Variants in SLIT3 observed in about 807,000 individuals in gnomAD.
SLIT3 encodes slit guidance ligand 3.
Under a neutral mutation model 184.0 loss-of-function variants are expected in SLIT3, and 68 were observed. That is an observed-to-expected ratio of 0.37 (90% CI 0.30 to 0.45). SLIT3 has a LOEUF of 0.45. Among genes scored for constraint, SLIT3 ranks in the 20% least tolerant of loss-of-function variants. The probability of loss-of-function intolerance (pLI) is 1.00; values close to 1 mark genes in which losing one functional copy is unlikely to be tolerated. For missense variants in SLIT3, 1,707 were observed against 2,026.0 expected (o/e 0.84, Z 3.02); for synonymous variants, 831 against 828.6 (o/e 1.00, Z -0.05).
intron 16 of SLIT3, among the ~76,000 whole-genome samples, 189 bp downstream of exon 16, chr5:168,760,673 T>A (rs952394289): frequency 2.5e-4 from 38 of 152,064 alleles, no homozygotes; most frequent in African/African-American, 9.2e-4. Context: ...ACTGAAACCA[T>A]GAAGCATCAC....
At chr5:169,075,086 A>G (rs1193328063) in intron 4 of SLIT3, among the ~76,000 whole-genome samples, 1 of 152,178 alleles carries the variant, frequency 6.6e-6, no homozygotes, top group Non-Finnish European at 1.5e-5. Flanking sequence ...AGTCAGATAT[A>G]AACATAATAC....
chr5:168,683,993 A>G lies in SLIT3; in HGVS notation c.3659T>C (p.Leu1220Pro), dbSNP rs750099123. 5 of 1,595,166 alleles carry G rather than the reference A, an allele frequency of 3.1e-6. No homozygotes were observed. Among genetic ancestry groups the G allele is most frequent in the Non-Finnish European group, 4.3e-6 (5 of 1,169,704 alleles). Residue 1220 changes from leucine to proline, a missense_variant, in exon 32 of 36, where the codon CTG becomes CCG. Physicochemically the swap from Leu to Pro is moderately conservative, Grantham distance 98. Around this residue, in one of 3 missense-constraint regions of SLIT3, gnomAD observed 387 missense variants for 477.9 expected, o/e 0.81. Coordinates refer to ENST00000519560, the MANE Select transcript of SLIT3 (RefSeq NM_003062.4). ...GTACACTGTGGTTGGAGGGGAACTC[A>G]GGCTGTCATAGACCAGCCGCACGTG... Reference protein sequence around the residue: ...QGHVRLVYDSLSSPPTTVYSV... With the variant: ...QGHVRLVYDSPSSPPTTVYSV...
chr5:169,129,733 A>G (rs1234468098), intron 4 of SLIT3, among the ~76,000 whole-genome samples: 2 of 152,192 alleles, frequency 1.3e-5, no homozygotes, highest in Non-Finnish European at 2.9e-5. Context: ...TGGAAAAGAG[A>G]AGAGGATATT....
intron 5 of SLIT3, 149 bp from the exon 6 acceptor site, chr5:168,844,804 C>T (rs900910140): frequency 2.7e-5 from 17 of 640,968 alleles, no homozygotes; most frequent in South Asian, 7.2e-5. Flanking sequence ...CTGTCTGCCA[C>T]GCTGCTCCGT....
At chr5:168,840,666 G>A (rs905646560) in intron 6 of SLIT3, among the ~76,000 whole-genome samples, 6 of 152,106 alleles carry the variant, frequency 3.9e-5, no homozygotes, top group Non-Finnish European at 8.8e-5. Flanking sequence ...TGTTGTATGC[G>A]AATTACCAAA....
chr5:168,822,805 A>C (rs1319716556), intron 7 of SLIT3, among the ~76,000 whole-genome samples: 1 of 152,176 alleles, frequency 6.6e-6, no homozygotes, highest in East Asian at 1.9e-4. Context: ...GGAGAGAAGG[A>C]GTGACTCTCC....
chr5:168,997,379 T>C (rs983949756), intron 4 of SLIT3, among the ~76,000 whole-genome samples: 2 of 152,132 alleles, frequency 1.3e-5, no homozygotes, highest in Non-Finnish European at 2.9e-5. Flanking sequence ...CTGTACCCCC[T>C]GGAAAGAGGA....
rs1451125335 is a variant in SLIT3, at chr5:168,663,776, C to T, written c.*2678G>A. The T allele has an allele frequency of 1.4e-4, 21 of 152,278 alleles. No individual in the cohort carries two copies. The highest frequency in any genetic ancestry group is 1.4e-3 in the Admixed American group (21 of 15,284). The allele number at this position is 152,278 out of a possible 1,614,324, so 9.4% of individuals were successfully genotyped here. On this transcript the variant is annotated 3_prime_UTR_variant, in exon 36 of 36. Transcript: ENST00000519560. The stretch of plus-strand genomic sequence containing the variant: ...AGTTCAATTCCCTTTCTCACTCTGG[C>T]AAACTCCTATTCATCCTTAAAGACC...
chr5:169,254,551 C>T (rs1015736070), intron 1 of SLIT3, among the ~76,000 whole-genome samples: 2 of 152,152 alleles, frequency 1.3e-5, no homozygotes, highest in African/African-American at 2.4e-5. Context: ...TGAACTTGAG[C>T]AGGCTTTGAG....
At chr5:169,037,384 G>C (rs946917903) in intron 4 of SLIT3, among the ~76,000 whole-genome samples, 2 of 152,162 alleles carry the variant, frequency 1.3e-5, no homozygotes, top group African/African-American at 2.4e-5. Context: ...AAGCAGCACA[G>C]GCTCTGTTTT....
chr5:168,743,029 G>C (rs542266687), intron 20 of SLIT3, among the ~76,000 whole-genome samples: 2 of 152,266 alleles, frequency 1.3e-5, no homozygotes, highest in Admixed American at 6.5e-5. Flanking sequence ...CTACCGGAGA[G>C]GCTAAGCCAG....
intron 4 of SLIT3, among the ~76,000 whole-genome samples, chr5:169,091,120 C>T (rs1042269112): frequency 2.6e-5 from 4 of 152,172 alleles, no homozygotes; most frequent in African/African-American, 9.7e-5. Context: ...TAATGGATGA[C>T]AAATAAATAT....
intron 4 of SLIT3, among the ~76,000 whole-genome samples, chr5:169,117,210 A>T (rs1180266231): frequency 6.6e-6 from 1 of 152,178 alleles, no homozygotes; most frequent in African/African-American, 2.4e-5. Flanking sequence ...AAAATAGAGA[A>T]AACACCACTT....
intron 7 of SLIT3, among the ~76,000 whole-genome samples, chr5:168,821,312 A>T (rs1376956931): frequency 1.3e-5 from 2 of 152,224 alleles, no homozygotes; most frequent in Non-Finnish European, 1.5e-5. Flanking sequence ...ATAACAAAGA[A>T]GGGAAGGATA....
chr5:168,829,803 C>T (rs1169691962), intron 6 of SLIT3, among the ~76,000 whole-genome samples: 1 of 152,204 alleles, frequency 6.6e-6, no homozygotes, highest in East Asian at 1.9e-4. Flanking sequence ...GTGAGAAACA[C>T]CTAAACCACA....
intron 1 of SLIT3, among the ~76,000 whole-genome samples, chr5:169,289,980 A>G (rs1051974713): frequency 1.3e-5 from 2 of 151,580 alleles, no homozygotes; most frequent in Non-Finnish European, 3.0e-5. Context: ...GGAATATGCT[A>G]GGGCACACAC....
At position 168,958,001 on chromosome 5, in the gene SLIT3, C is replaced by T. The variant is rs569914589; in HGVS notation, c.414-74665G>A. Among the ~76,000 whole-genome samples the T allele has an allele frequency of 2.2e-3, 335 of 152,244 alleles. 1 individual carries two copies. Among genetic ancestry groups the T allele is most frequent in the Middle Eastern group, 6.8e-3 (2 of 294 alleles). ...CTATTTCATTTTCTCTCTCCACTACCCAAATGTCTTTCTGAAATGTTTTTG... is the reference window on the plus strand; with the variant it reads ...CTATTTCATTTTCTCTCTCCACTACTCAAATGTCTTTCTGAAATGTTTTTG... On this transcript the variant is annotated intron_variant, in intron 4 of 35. Transcript: ENST00000519560.
intron 4 of SLIT3, among the ~76,000 whole-genome samples, chr5:169,158,323 T>C (rs1762374320): frequency 1.3e-5 from 2 of 152,174 alleles, no homozygotes; most frequent in Admixed American, 1.3e-4. Context: ...TGACACAATT[T>C]TTTTTCAAGG....
chr5:168,890,552 T>G (rs1760415557), intron 4 of SLIT3, among the ~76,000 whole-genome samples: 1 of 152,216 alleles, frequency 6.6e-6, no homozygotes, highest in Admixed American at 6.5e-5. Context: ...TTTTAAAAAT[T>G]TAAAGTGAGA....
Sources: allele counts gnomAD v4.1 joint callset (sites outside exome capture counted in the v4.1 genomes callset), GRCh38; gene constraint gnomAD v4.1.1; regional missense constraint gnomAD v4.1.1; transcripts MANE v1.5; gene names NCBI Gene and HGNC (gene_info 2026-07-23, HGNC 2026-07-21).